RAD51B: variants seen among roughly 807,000 people sequenced by gnomAD.
The protein encoded by RAD51B is DNA repair protein RAD51 homolog 2.
In RAD51B, 38 loss-of-function variants were observed where a neutral mutation model predicts 42.2. The ratio of observed to expected loss-of-function variants is 0.90; its 90% CI spans 0.70 to 1.18. The LOEUF (loss-of-function observed/expected upper bound fraction) is 1.18. Among genes scored for constraint, RAD51B ranks in the 50% most tolerant of loss-of-function variants. The pLI, the probability that RAD51B is intolerant of heterozygous loss-of-function variation, is 0.00. For missense variants in RAD51B, 373 were observed against 400.7 expected (o/e 0.93, Z 0.59); for synonymous variants, 154 against 145.2 (o/e 1.06, Z -0.43).
intron 7 of RAD51B, among the ~76,000 whole-genome samples, chr14:68,029,619 T>A (rs556236568): frequency 7.9e-5 from 12 of 152,362 alleles, no homozygotes; most frequent in African/African-American, 2.9e-4. Flanking sequence ...AGTTACTTCC[T>A]TCACTGGAGT....
intron 10 of RAD51B, chr14:68,497,214 GGAAA>G (rs1177071231): frequency 7.3e-7 from 1 of 1,376,936 alleles, no homozygotes; most frequent in Non-Finnish European, 9.7e-7. Flanking sequence ...CAAAATATTG[GGAAA>G]GAGTCTTGTG....
intron 11 of RAD51B, among the ~76,000 whole-genome samples, chr14:68,673,876 G>T (rs1566969713): frequency 7.3e-6 from 1 of 137,866 alleles, no homozygotes; most frequent in African/African-American, 2.7e-5. Flanking sequence ...CACATACTGT[G>T]CACACACATG....
chr14:68,360,691 C>A (rs1463680116), intron 8 of RAD51B, among the ~76,000 whole-genome samples: 1 of 152,114 alleles, frequency 6.6e-6, no homozygotes, highest in African/African-American at 2.4e-5. Context: ...AGCTGACACC[C>A]CTTTAACAAA....
At chr14:67,940,338 A>G (rs1056577781) in intron 7 of RAD51B, among the ~76,000 whole-genome samples, 4 of 151,482 alleles carry the variant, frequency 2.6e-5, no homozygotes, top group African/African-American at 9.7e-5. Context: ...TGGCCTCCCA[A>G]AAGTGCTGGG....
At chr14:67,914,232 C>G (rs929313205) in intron 7 of RAD51B, among the ~76,000 whole-genome samples, 1 of 152,170 alleles carries the variant, frequency 6.6e-6, no homozygotes, top group Non-Finnish European at 1.5e-5. Context: ...ATCCACCCAC[C>G]TTGCCCTCCC....
intron 7 of RAD51B, among the ~76,000 whole-genome samples, chr14:68,008,404 A>G (rs932994608): frequency 2.6e-5 from 4 of 152,020 alleles, no homozygotes; most frequent in Non-Finnish European, 5.9e-5. Context: ...TCACCCACAC[A>G]AAAACCTCCA....
At position 67,995,637 on chromosome 14, in the gene RAD51B, G is replaced by A. The variant is rs923427857; in HGVS notation, c.756+108433G>A. Among the ~76,000 whole-genome samples, 43 of 148,464 alleles carry A rather than the reference G, an allele frequency of 2.9e-4. 1 individual carries two copies. The East Asian group carries it at 4.7e-3, about 16-fold the overall frequency. Reference sequence around the variant, plus strand: ...TTTTTTTTTTTTTTTCTTTTGAGACGGAGTCTCTCTCTGTCACCCAGGCTG... The same window carrying A: ...TTTTTTTTTTTTTTTCTTTTGAGACAGAGTCTCTCTCTGTCACCCAGGCTG... On this transcript the variant is annotated intron_variant, in intron 7 of 10. Coordinates refer to ENST00000471583, the MANE Select transcript of RAD51B (RefSeq NM_133510.4).
At chr14:67,924,529 G>A (rs923380910) in intron 7 of RAD51B, among the ~76,000 whole-genome samples, 1 of 152,188 alleles carries the variant, frequency 6.6e-6, no homozygotes, top group South Asian at 2.1e-4. Flanking sequence ...CACAATCATG[G>A]CAGAAGGCAA....
chr14:68,456,152 T>C (rs1194483677), intron 9 of RAD51B, among the ~76,000 whole-genome samples: 1 of 152,094 alleles, frequency 6.6e-6, no homozygotes, highest in Non-Finnish European at 1.5e-5. Context: ...TGACAGAAGA[T>C]AGTAATGGCA....
At chr14:68,654,356 C>T (rs904237218) in intron 11 of RAD51B, among the ~76,000 whole-genome samples, 2 of 152,226 alleles carry the variant, frequency 1.3e-5, no homozygotes, top group African/African-American at 4.8e-5. Context: ...GTGGGGACAC[C>T]TTTACGTCAG....
At chr14:68,099,407 G>C (rs1352546201) in intron 7 of RAD51B, among the ~76,000 whole-genome samples, 1 of 152,136 alleles carries the variant, frequency 6.6e-6, no homozygotes, top group African/African-American at 2.4e-5. Flanking sequence ...TTCCAACCCA[G>C]CCTATGACCC....
chr14:68,409,746 T>G (rs2084370175), intron 8 of RAD51B, among the ~76,000 whole-genome samples: 1 of 152,188 alleles, frequency 6.6e-6, no homozygotes, highest in African/African-American at 2.4e-5. Flanking sequence ...AGTGCATTGT[T>G]TAGGAGATAG....
At chr14:68,216,404 G>A (rs2079815651) in intron 7 of RAD51B, among the ~76,000 whole-genome samples, 2 of 152,184 alleles carry the variant, frequency 1.3e-5, no homozygotes, top group Non-Finnish European at 2.9e-5. Flanking sequence ...GACAGCCCTA[G>A]GAGATAGGTA....
intron 7 of RAD51B, among the ~76,000 whole-genome samples, chr14:68,184,777 T>A (rs1385587562): frequency 6.6e-6 from 1 of 152,212 alleles, no homozygotes; most frequent in Non-Finnish European, 1.5e-5. Context: ...AAACAAAATA[T>A]GAACAATCCC....
At chr14:68,475,691 T>C (rs189019884) in intron 10 of RAD51B, among the ~76,000 whole-genome samples, 1 of 151,124 alleles carries the variant, frequency 6.6e-6, no homozygotes, top group Non-Finnish European at 1.5e-5. Context: ...CCTCCACTTT[T>C]AAAAAAAAAA....
intron 7 of RAD51B, among the ~76,000 whole-genome samples, chr14:68,194,113 T>C (rs2079320380): frequency 6.6e-6 from 1 of 152,216 alleles, no homozygotes; most frequent in Admixed American, 6.5e-5. Context: ...AATCATCACT[T>C]GAGGAACATT....
rs28639471 is a variant in RAD51B, at chr14:68,115,113, T to A, written c.757-176771T>A. ...ATGCACACGTATGTTTATTGTGGCA[T>A]TATTCACAATAGCAAAGACTTGGAA... On this transcript the variant is annotated intron_variant, in intron 7 of 10. Coordinates refer to ENST00000471583, the MANE Select transcript of RAD51B (RefSeq NM_133510.4). 2.2e-3 allele frequency among the ~76,000 whole-genome samples: 300 copies of A among 134,324 alleles called. 2 individuals are homozygous for A. Among genetic ancestry groups the A allele is most frequent in the African/African-American group, 9.4e-3 (250 of 26,546 alleles). The allele number at this position is 134,324 out of a possible 152,430, so 88.1% of individuals were successfully genotyped here.
chr14:68,263,482 A>G (rs1185875058), intron 7 of RAD51B, among the ~76,000 whole-genome samples: 1 of 152,232 alleles, frequency 6.6e-6, no homozygotes. Flanking sequence ...ACAAGGTCTT[A>G]GAACTTAAAT....
chr14:68,589,378 T>G (rs1377496494), intron 10 of RAD51B, among the ~76,000 whole-genome samples: 1 of 152,188 alleles, frequency 6.6e-6, no homozygotes, highest in Non-Finnish European at 1.5e-5. Flanking sequence ...TTTTTTTTCT[T>G]TAGCTGCAGG....
Sources: gnomAD v4.1 joint callset for allele counts (sites outside exome capture counted in the v4.1 genomes callset) on GRCh38, gnomAD v4.1.1 for gene constraint, MANE v1.5 for transcripts, NCBI Gene and HGNC (gene_info 2026-07-23, HGNC 2026-07-21) for gene names.